Variants in LRMDA observed in about 807,000 individuals in gnomAD.
LRMDA encodes the protein leucine rich melanocyte differentiation associated, also known as leucine-rich melanocyte differentiation-associated protein.
Under a neutral mutation model 29.8 loss-of-function variants are expected in LRMDA, and 18 were observed. That is an observed-to-expected ratio of 0.60 (90% CI 0.42 to 0.90). The LOEUF is 0.90. Among genes scored for constraint, LRMDA ranks in the 40% least tolerant of loss-of-function variants. LRMDA has a pLI of 0.00. For synonymous variants in LRMDA, 125 were observed against 109.4 expected (o/e 1.14, Z -0.89); for missense variants, 273 against 273.9 (o/e 1.00, Z 0.02).
intron 6 of LRMDA, among the ~76,000 whole-genome samples, chr10:76,351,109 G>C (rs1841171234): frequency 6.6e-6 from 1 of 152,104 alleles, no homozygotes; most frequent in African/African-American, 2.4e-5. Flanking sequence ...AGGCAATTTA[G>C]TGTGTTCTGG....
chr10:76,141,116 C>G (rs1178082044), intron 5 of LRMDA, among the ~76,000 whole-genome samples: 1 of 152,076 alleles, frequency 6.6e-6, no homozygotes, highest in Admixed American at 6.6e-5. Context: ...TATACCTTTT[C>G]TGCTAATCTA....
At chr10:76,539,045 C>CTAT (rs1843323396) in intron 6 of LRMDA, among the ~76,000 whole-genome samples, 1 of 152,010 alleles carries the variant, frequency 6.6e-6, no homozygotes, top group African/African-American at 2.4e-5. Context: ...GTCAGTTGGT[C>CTAT]TATTTTTATA....
chr10:75,769,974 C>T (rs1435544552), intron 2 of LRMDA, among the ~76,000 whole-genome samples: 4 of 152,022 alleles, frequency 2.6e-5, no homozygotes, highest in Non-Finnish European at 5.9e-5. Flanking sequence ...CAGAGCTAGA[C>T]TCTGTCTCAA....
chr10:76,082,131 CA>C (rs1390642425), intron 5 of LRMDA, among the ~76,000 whole-genome samples: 1 of 152,008 alleles, frequency 6.6e-6, no homozygotes, highest in Non-Finnish European at 1.5e-5. Flanking sequence ...CTCGGGATGC[CA>C]AACCCATGTA....
At chr10:76,498,250 T>C (rs1289686209) in intron 6 of LRMDA, among the ~76,000 whole-genome samples, 1 of 75,674 alleles carries the variant, frequency 1.3e-5, no homozygotes, top group East Asian at 2.5e-4. Context: ...TTGGGTTCAT[T>C]ACCAGCATTA....
chr10:76,403,675 G>A (rs910353142), intron 6 of LRMDA, among the ~76,000 whole-genome samples: 1 of 152,134 alleles, frequency 6.6e-6, no homozygotes, highest in Admixed American at 6.6e-5. Flanking sequence ...ATTTTGAAGA[G>A]TTTCAGCTTG....
chr10:76,557,573 A>C lies in LRMDA; in HGVS notation c.*285A>C. On this transcript the variant is annotated 3_prime_UTR_variant, in exon 7 of 7. Transcript: ENST00000611255. ...GCAAAGCAACAGGGCTGACAGCATG[A>C]ACACCATGATAGATTGCCTGGTCCT... 1 of 485,922 alleles carries C rather than the reference A, an allele frequency of 2.1e-6. No individual in the cohort carries two copies. The allele number at this position is 485,922 out of a possible 1,614,324, so 30.1% of individuals were successfully genotyped here.
At chr10:76,468,038 C>T (rs1162155852) in intron 6 of LRMDA, among the ~76,000 whole-genome samples, 1 of 152,136 alleles carries the variant, frequency 6.6e-6, no homozygotes. Context: ...CTCCAAAATC[C>T]AATTACTAGC....
At chr10:75,669,296 T>A (rs1323588324) in intron 2 of LRMDA, among the ~76,000 whole-genome samples, 2 of 152,146 alleles carry the variant, frequency 1.3e-5, no homozygotes, top group African/African-American at 4.8e-5. Flanking sequence ...GGATAGACCA[T>A]TTTTTCCCTA....
chr10:76,346,975 A>C (rs192667574), intron 6 of LRMDA, among the ~76,000 whole-genome samples: 11 of 152,198 alleles, frequency 7.2e-5, no homozygotes, highest in Non-Finnish European at 1.6e-4. Context: ...AATGTTTTGG[A>C]ATCCCTTTAT....
chr10:76,158,632 T>C (rs1427817099), intron 5 of LRMDA, among the ~76,000 whole-genome samples: 6 of 152,186 alleles, frequency 3.9e-5, no homozygotes, highest in African/African-American at 1.4e-4. Flanking sequence ...AACCATTAGA[T>C]TTTAAAAATC....
intron 2 of LRMDA, among the ~76,000 whole-genome samples, chr10:75,728,159 G>A (rs1195239782): frequency 6.6e-6 from 1 of 152,124 alleles, no homozygotes; most frequent in African/African-American, 2.4e-5. Flanking sequence ...CAGTGAAATG[G>A]GTATAGAAAT....
chr10:75,825,629 A>G (rs1400236830), intron 2 of LRMDA, among the ~76,000 whole-genome samples: 1 of 152,226 alleles, frequency 6.6e-6, no homozygotes, highest in African/African-American at 2.4e-5. Context: ...TGAATGGTTG[A>G]AGAAAATATC....
At chr10:75,676,325 G>A (rs911027244) in intron 2 of LRMDA, among the ~76,000 whole-genome samples, 8 of 152,192 alleles carry the variant, frequency 5.3e-5, no homozygotes, top group African/African-American at 1.2e-4. Flanking sequence ...GAAGCTGAAC[G>A]AGATGTTGCA....
At chr10:75,855,943 T>C (rs1459724172) in intron 2 of LRMDA, among the ~76,000 whole-genome samples, 1 of 152,208 alleles carries the variant, frequency 6.6e-6, no homozygotes, top group Non-Finnish European at 1.5e-5. Context: ...TTGGTGCCAG[T>C]ACCATGCTGT....
intron 5 of LRMDA, among the ~76,000 whole-genome samples, chr10:76,300,347 A>G (rs1037604334): frequency 3.3e-5 from 5 of 152,206 alleles, no homozygotes; most frequent in Non-Finnish European, 7.4e-5. Context: ...ATTTAAACTC[A>G]GGCTATCAGG....
In LRMDA at chr10:76,151,443, C is replaced by T. The variant is rs531976040; in HGVS notation, c.516+92660C>T. Reference sequence around the variant, plus strand: ...GGCATCTGTCGCTATTTGAAATAATCGTATTTGTTTGTATTTCTTGTCTGT... The same window carrying T: ...GGCATCTGTCGCTATTTGAAATAATTGTATTTGTTTGTATTTCTTGTCTGT... On this transcript the variant is annotated intron_variant, in intron 5 of 6. Transcript: ENST00000611255. Among the ~76,000 whole-genome samples the T allele has an allele frequency of 5.9e-5, 9 of 152,024 alleles. 1 individual carries two copies. The South Asian group carries it at 1.2e-3, about 21-fold the overall frequency.
intron 2 of LRMDA, among the ~76,000 whole-genome samples, chr10:75,789,502 C>T (rs1433660835): frequency 2.0e-5 from 3 of 152,158 alleles, no homozygotes; most frequent in East Asian, 3.8e-4. Context: ...TTCACTGCCC[C>T]TAGGGGTAGG....
chr10:75,555,336 T>A (rs1244035418), intron 2 of LRMDA, among the ~76,000 whole-genome samples: 1 of 152,178 alleles, frequency 6.6e-6, no homozygotes, highest in Non-Finnish European at 1.5e-5. Flanking sequence ...ATAGATAACT[T>A]GATAGAAAAT....
Sources: allele counts gnomAD v4.1 joint callset (sites outside exome capture counted in the v4.1 genomes callset), GRCh38; gene constraint gnomAD v4.1.1; transcripts MANE v1.5; gene names NCBI Gene and HGNC (gene_info 2026-07-23, HGNC 2026-07-21).